The following ADAMTS2 variants were observed in gnomAD, a reference collection of about 807,000 sequenced individuals.
ADAMTS2 encodes A disintegrin and metalloproteinase with thrombospondin motifs 2.
In ADAMTS2, 50 loss-of-function variants were observed where a neutral mutation model predicts 123.0. The observed-to-expected ratio is 0.41, with a 90% CI of 0.32 to 0.51. ADAMTS2 has a LOEUF of 0.51. ADAMTS2 is among the 20% of genes least tolerant of loss of function. The pLI is 0.35. For synonymous variants in ADAMTS2, 678 were observed against 695.4 expected (o/e 0.98, Z 0.39); for missense variants, 1,494 against 1,705.2 (o/e 0.88, Z 2.18).
At chr5:179,164,424 G>A (rs1331716175) in intron 5 of ADAMTS2, among the ~76,000 whole-genome samples, 5 of 152,174 alleles carry the variant, frequency 3.3e-5, no homozygotes, top group Admixed American at 6.5e-5. Context: ...CTGGTGCCAC[G>A]TCAGGAGGGT....
chr5:179,222,224 T>G (rs1015595996), intron 3 of ADAMTS2, among the ~76,000 whole-genome samples: 1 of 152,138 alleles, frequency 6.6e-6, no homozygotes, highest in Non-Finnish European at 1.5e-5. Flanking sequence ...CCAGCTGCAG[T>G]TGAGGAGGGA....
intron 2 of ADAMTS2, among the ~76,000 whole-genome samples, chr5:179,327,437 T>C (rs1021289509): frequency 6.6e-6 from 1 of 152,134 alleles, no homozygotes; most frequent in East Asian, 1.9e-4. Context: ...GCAGTTTTCC[T>C]GCCAGCCTGC....
chr5:179,154,954 C>T, intron 6 of ADAMTS2, 35 bp from the exon 7 acceptor site: 1 of 1,587,028 alleles, frequency 6.3e-7, no homozygotes, highest in African/African-American at 1.3e-5. Context: ...CAGATGCTGC[C>T]ATAGCCTGGC....
At chr5:179,275,603 A>G (rs2113518646) in intron 2 of ADAMTS2, among the ~76,000 whole-genome samples, 1 of 152,308 alleles carries the variant, frequency 6.6e-6, no homozygotes, top group South Asian at 2.1e-4. Context: ...CCATGGGCAG[A>G]CAGGGAGGAT....
At chr5:179,333,225 G>C (rs1757525281) in intron 2 of ADAMTS2, among the ~76,000 whole-genome samples, 1 of 152,134 alleles carries the variant, frequency 6.6e-6, no homozygotes, top group Non-Finnish European at 1.5e-5. Context: ...AGGCCAGCCA[G>C]CCTCATCCCC....
At chr5:179,236,480 G>A (rs1765532513) in intron 3 of ADAMTS2, among the ~76,000 whole-genome samples, 1 of 152,052 alleles carries the variant, frequency 6.6e-6, no homozygotes, top group African/African-American at 2.4e-5. Context: ...AGCTGTCAGA[G>A]GCCTCTGATA....
chr5:179,321,948 C>A (rs183913519), intron 2 of ADAMTS2, among the ~76,000 whole-genome samples: 62 of 152,254 alleles, frequency 4.1e-4, no homozygotes, highest in African/African-American at 1.5e-3. Flanking sequence ...AAAGATGTTC[C>A]GGCAGAACAC....
chr5:179,187,595 C>G (rs987341666), intron 4 of ADAMTS2, among the ~76,000 whole-genome samples: 2 of 152,140 alleles, frequency 1.3e-5, no homozygotes, highest in African/African-American at 2.4e-5. Flanking sequence ...GGCCTCCCCT[C>G]CCCTCCCCCC....
chr5:179,283,945 GATTATTATTATTATTATTATTATTATT>G (rs756134923), intron 2 of ADAMTS2, among the ~76,000 whole-genome samples: 5 of 120,532 alleles, frequency 4.1e-5, no homozygotes, highest in African/African-American at 1.7e-4. Context: ...ATGGTCAGAT[GATTATTATTATTATTATTATTATTATT>G]ATTATTATTA....
At chr5:179,190,727 G>C (rs1270554815) in intron 4 of ADAMTS2, among the ~76,000 whole-genome samples, 1 of 152,254 alleles carries the variant, frequency 6.6e-6, no homozygotes, top group Non-Finnish European at 1.5e-5. Context: ...ACCTAGTACA[G>C]GCTGAATGAA....
chr5:179,138,693 G>C (rs3822596), intron 11 of ADAMTS2, among the ~76,000 whole-genome samples: 23,475 of 152,232 alleles, frequency 0.15, 1,929 homozygotes, highest in African/African-American at 0.22. Flanking sequence ...GAGGACAGCA[G>C]GGGTAGGAGA....
chr5:179,116,535 C>T (rs574771989), intron 21 of ADAMTS2, among the ~76,000 whole-genome samples: 6 of 152,274 alleles, frequency 3.9e-5, no homozygotes, highest in African/African-American at 7.2e-5. Flanking sequence ...CAGCCAAGCT[C>T]GCATCTAATT....
chr5:179,205,917 G>A (rs1362305999), intron 4 of ADAMTS2, among the ~76,000 whole-genome samples: 7 of 151,764 alleles, frequency 4.6e-5, no homozygotes, highest in African/African-American at 1.2e-4. Flanking sequence ...GACTACAGGC[G>A]CCCGCCACCA....
At chr5:179,343,380 G>A (rs4701098) in intron 2 of ADAMTS2, among the ~76,000 whole-genome samples, 51,573 of 152,154 alleles carry the variant, frequency 0.34, 9,244 homozygotes, top group South Asian at 0.52. Context: ...ACAGGTGCAC[G>A]GGCACCCAGA....
chr5:179,132,298 A>G lies in ADAMTS2; in HGVS notation c.2222T>C (p.Met741Thr), dbSNP rs1457966163. The G allele has an allele frequency of 6.2e-7, 1 of 1,613,904 alleles. No individual in the cohort carries two copies. The highest frequency in any genetic ancestry group is 8.5e-7 in the Non-Finnish European group (1 of 1,179,972). ...TCTGGCTCCTGCAGGGATCTCAAAC[A>G]TCTTGATGTAACCTTTTTTTGATGT... Reference protein sequence around the residue: ...RSPKKHGYIKMFEIPAGARHL... With the variant: ...RSPKKHGYIKTFEIPAGARHL... Residue 741 changes from methionine to threonine, a missense_variant, in exon 15 of 22, where the codon ATG becomes ACG. This residue lies in a region of ADAMTS2 where 953 missense variants were observed against 1,124.7 expected (regional missense o/e 0.85). Transcript: ENST00000251582. This position sits in a 1 kb window ranked among gnomAD's most constrained non-coding sequence, Gnocchi z 6.1.
rs1451119054 is a variant in ADAMTS2, at chr5:179,228,049, A to C, written c.689-20334T>G. On this transcript the variant is annotated intron_variant, in intron 3 of 21. Transcript: ENST00000251582. This position sits in a 1 kb window ranked among gnomAD's most constrained non-coding sequence, Gnocchi z 5.2. ...GGACCCTCGGGAGGAGCCGCGTGGG[A>C]GGAGGAGAAGGCCGTGTGGGGCGTG... Among the ~76,000 whole-genome samples, 1 of 151,956 alleles carries C rather than the reference A, an allele frequency of 6.6e-6. No homozygotes were observed. Among genetic ancestry groups the C allele is most frequent in the African/African-American group, 2.4e-5 (1 of 41,346 alleles).
chr5:179,126,114 C>T lies in ADAMTS2; in HGVS notation c.2634G>A (p.Lys878=), dbSNP rs370686613. The T allele has an allele frequency of 1.9e-6, 3 of 1,613,310 alleles. No homozygotes were observed. Among genetic ancestry groups the T allele is most frequent in the South Asian group, 2.2e-5 (2 of 91,086 alleles). Residue 878 remains lysine (K), a synonymous_variant, in exon 18 of 22, where the codon AAG becomes AAA. Coordinates refer to ENST00000251582, the MANE Select transcript of ADAMTS2 (RefSeq NM_014244.5). ...GGTCCAGCCTCCGGCGGCAGCCATACTTGGTGAACTGGGACCCTGAAGGCA... is the reference window on the plus strand; with the variant it reads ...GGTCCAGCCTCCGGCGGCAGCCATATTTGGTGAACTGGGACCCTGAAGGCA... The part of the protein sequence containing the change: ...KPCGGGSQFT[K]YGCRRRLDHK...
intron 3 of ADAMTS2, among the ~76,000 whole-genome samples, chr5:179,226,061 T>C (rs761058083): frequency 1.9e-4 from 29 of 152,192 alleles, no homozygotes; most frequent in South Asian, 4.2e-4. Flanking sequence ...CCCCAGAGGT[T>C]TGAGCAGAGG....
At position 179,132,140 on chromosome 5, in the gene ADAMTS2, G is replaced by A; in HGVS notation, c.2290+90C>T. The A allele has an allele frequency of 7.6e-7, 1 of 1,316,608 alleles. No homozygotes were observed. The allele number at this position is 1,316,608 out of a possible 1,614,324, so 81.6% of individuals were successfully genotyped here. ...CTCAGGTCATGGCTGCACAACCCGG[G>A]CCCCTGACCCCTGACCCCTGGCACT... On this transcript the variant is annotated intron_variant, in intron 15 of 21. Transcript: ENST00000251582. The surrounding 1 kb of genome is among the most constrained non-coding windows in gnomAD (Gnocchi z 6.1).
Sources: gnomAD v4.1 joint callset for allele counts (sites outside exome capture counted in the v4.1 genomes callset) on GRCh38, gnomAD v4.1.1 for gene constraint, gnomAD v4.1.1 regional missense constraint, Gnocchi (gnomAD v3.1) non-coding constraint, MANE v1.5 for transcripts, NCBI Gene and HGNC (gene_info 2026-07-23, HGNC 2026-07-21) for gene names.